ZFHX3: variants seen among roughly 807,000 people sequenced by gnomAD.
ZFHX3 encodes the protein zinc finger homeobox protein 3.
A neutral mutation model predicts 279.1 loss-of-function variants in ZFHX3; 42 were observed. The observed-to-expected ratio is 0.15, with a 90% CI of 0.12 to 0.19. ZFHX3 has a LOEUF of 0.19. Ranked by LOEUF, ZFHX3 falls within the 10% of genes least tolerant of loss-of-function variation. The probability of loss-of-function intolerance (pLI) is 1.00; values close to 1 mark genes in which losing one functional copy is unlikely to be tolerated. For synonymous variants in ZFHX3, 2,293 were observed against 1,957.8 expected, an observed-to-expected ratio of 1.17 and a Z score of -4.52; for missense variants, 4,981 against 4,754.0, an observed-to-expected ratio of 1.05 and a Z score of -1.40.
rs141982874 is a variant in ZFHX3, at chr16:73,537,956, C to G, written c.-1546-81698G>C. On this transcript the variant is annotated intron_variant, in intron 2 of 17. Coordinates refer to the ZFHX3 transcript ENST00000641206. Reference sequence around the variant, plus strand: ...TTACTAAAAGTAACTCTTACCCTTGCCTTCATTCTTCATATATGGGGCTCA... The same window carrying G: ...TTACTAAAAGTAACTCTTACCCTTGGCTTCATTCTTCATATATGGGGCTCA... 2.2e-3 allele frequency among the ~76,000 whole-genome samples: 328 copies of G among 152,296 alleles called. 1 individual carries two copies. The highest frequency in any genetic ancestry group is 3.6e-3 in the Non-Finnish European group (248 of 68,030).
chr16:73,624,261 GA>G (rs904733350), intron 2 of ZFHX3, among the ~76,000 whole-genome samples: 4 of 151,736 alleles, frequency 2.6e-5, no homozygotes, highest in Non-Finnish European at 5.9e-5. Flanking sequence ...TACAAAGAAG[GA>G]AAAAAAATTC....
At chr16:73,625,904 C>G (rs1052043054) in intron 2 of ZFHX3, among the ~76,000 whole-genome samples, 1 of 152,192 alleles carries the variant, frequency 6.6e-6, no homozygotes, top group Admixed American at 6.5e-5. Flanking sequence ...GTTGCCCAGG[C>G]TGGAGTTCAG....
intron 1 of ZFHX3, among the ~76,000 whole-genome samples, chr16:72,980,375 G>A (rs1196247861): frequency 1.3e-5 from 2 of 152,162 alleles, no homozygotes; most frequent in Non-Finnish European, 2.9e-5. Context: ...GTTTCGTATG[G>A]ATGCCAGTTC....
chr16:73,232,988 A>C, intron 5 of ZFHX3: 1 of 147,614 alleles, frequency 6.8e-6, no homozygotes, highest in South Asian at 2.3e-4. Flanking sequence ...TTGCGTGGAT[A>C]TGGGGGTGGG....
chr16:73,698,864 TTTTGTTTGTTTGTTTG>T lies in ZFHX3; in HGVS notation c.-1607-18640_-1607-18625del, dbSNP rs3049564. On this transcript the variant is annotated intron_variant, in intron 1 of 17. Transcript: ENST00000641206. Reference sequence around the variant, plus strand: ...CAATGCAATTCAAATACAGTTTTATTTTTGTTTGTTTGTTTGTTTGTTTGTTTGTTTGTTTTTCTGA... The same window carrying T: ...CAATGCAATTCAAATACAGTTTTATTTTTGTTTGTTTGTTTGTTTTTCTGA... 7.0e-3 allele frequency among the ~76,000 whole-genome samples: 1,055 copies of T among 150,948 alleles called. 3 individuals are homozygous for T. Among genetic ancestry groups the T allele is most frequent in the South Asian group, 0.018 (87 of 4,730 alleles).
At chr16:73,837,000 G>T (rs1250070591) in intron 1 of ZFHX3, among the ~76,000 whole-genome samples, 1 of 152,202 alleles carries the variant, frequency 6.6e-6, no homozygotes, top group Non-Finnish European at 1.5e-5. Context: ...AGCAGATGCT[G>T]ATGCCATGGT....
chr16:73,653,264 T>A (rs1218357268), intron 2 of ZFHX3, among the ~76,000 whole-genome samples: 1 of 152,218 alleles, frequency 6.6e-6, no homozygotes, highest in Admixed American at 6.5e-5. Context: ...TGGAACATTA[T>A]ACTCAGCAAC....
intron 2 of ZFHX3, chr16:73,499,602 C>G (rs577679513): frequency 6.6e-6 from 1 of 152,062 alleles, no homozygotes; most frequent in Non-Finnish European, 1.5e-5. Context: ...ACACTAGAAC[C>G]AATGAAAGCA....
At chr16:72,964,428 G>C (rs56057725) in intron 1 of ZFHX3, among the ~76,000 whole-genome samples, 20 of 152,144 alleles carry the variant, frequency 1.3e-4, no homozygotes, top group Non-Finnish European at 2.9e-4. Flanking sequence ...AGCACATATA[G>C]GTATTATGGA....
At chr16:73,446,020 A>T (rs1359980524) in intron 3 of ZFHX3, among the ~76,000 whole-genome samples, 1 of 152,140 alleles carries the variant, frequency 6.6e-6, no homozygotes, top group African/African-American at 2.4e-5. Context: ...GGATCACCTT[A>T]CAAATAAATG....
intron 3 of ZFHX3, among the ~76,000 whole-genome samples, chr16:73,451,755 A>C (rs1374240266): frequency 6.6e-6 from 1 of 152,244 alleles, no homozygotes; most frequent in Non-Finnish European, 1.5e-5. Context: ...TGGGCATAAA[A>C]GAATTTTTTT....
intron 1 of ZFHX3, among the ~76,000 whole-genome samples, chr16:73,706,324 T>A (rs2053302900): frequency 6.6e-6 from 1 of 151,656 alleles, no homozygotes; most frequent in African/African-American, 2.4e-5. Context: ...TAGCTGGGTG[T>A]CGTGGCAGGC....
intron 3 of ZFHX3, among the ~76,000 whole-genome samples, chr16:73,416,595 C>T (rs532528332): frequency 9.9e-5 from 15 of 152,094 alleles, no homozygotes; most frequent in African/African-American, 2.9e-4. Flanking sequence ...AGAAGTCGGC[C>T]GGACGCGGTG....
intron 4 of ZFHX3, among the ~76,000 whole-genome samples, chr16:72,869,474 T>G (rs2038101731): frequency 6.6e-6 from 1 of 152,230 alleles, no homozygotes; most frequent in Non-Finnish European, 1.5e-5. Flanking sequence ...CCAGGCTCTG[T>G]CCAAGGTAAC....
Position 72,797,736 on chromosome 16 carries a change from G to A in ZFHX3, c.4946C>T (p.Ser1649Phe). 6.2e-7 allele frequency: 1 copy of A among 1,614,124 alleles called. No individual in the cohort carries two copies. The highest frequency in any genetic ancestry group is 8.5e-7 in the Non-Finnish European group (1 of 1,180,024). The change falls in exon 9 of 10, where the codon TCC (serine) becomes TTC (phenylalanine). Residue 1649 changes from serine to phenylalanine, a missense_variant. Physicochemically the swap from Ser to Phe is radical, Grantham distance 155. This residue lies in a region of ZFHX3 where 1,751 missense variants were observed against 1,770.0 expected (regional missense o/e 0.99). Coordinates refer to ENST00000268489, the MANE Select transcript of ZFHX3 (RefSeq NM_006885.4). ...TGNSSSISLS[S>F]STPSPVSTSG... is the part of the protein sequence containing the mutation. ...GGTGCTCACAGGACTTGGCGTGGAG[G>A]AGCTCAAGGAAATACTGCTGCTGTT...
chr16:73,124,050 C>T (rs888943521), intron 7 of ZFHX3, among the ~76,000 whole-genome samples: 1 of 152,166 alleles, frequency 6.6e-6, no homozygotes, highest in Non-Finnish European at 1.5e-5. Context: ...AACCAACCAA[C>T]CAACCAACTA....
intron 1 of ZFHX3, among the ~76,000 whole-genome samples, chr16:73,879,119 A>G (rs2030055550): frequency 6.6e-6 from 1 of 151,706 alleles, no homozygotes; most frequent in Non-Finnish European, 1.5e-5. Context: ...CAGAAAAATA[A>G]TCACCAGCAG....
intron 4 of ZFHX3, among the ~76,000 whole-genome samples, chr16:73,292,139 A>G (rs1363472507): frequency 6.6e-6 from 1 of 152,246 alleles, no homozygotes; most frequent in East Asian, 1.9e-4. Flanking sequence ...AAGCAAAAAT[A>G]AAACAAATCA....
intron 1 of ZFHX3, among the ~76,000 whole-genome samples, chr16:73,688,452 C>G (rs1436089680): frequency 6.6e-6 from 1 of 151,882 alleles, no homozygotes; most frequent in South Asian, 2.1e-4. Context: ...ATGAGGGACA[C>G]CCCCAGGAAT....
Sources: gnomAD v4.1 joint callset for allele counts (sites outside exome capture counted in the v4.1 genomes callset) on GRCh38, gnomAD v4.1.1 for gene constraint, gnomAD v4.1.1 regional missense constraint, MANE v1.5 for transcripts, NCBI Gene and HGNC (gene_info 2026-07-23, HGNC 2026-07-21) for gene names.